Variants in KCNK9 observed in about 807,000 individuals in gnomAD.
The protein encoded by KCNK9 is potassium channel subfamily K member 9.
A neutral mutation model predicts 10.8 loss-of-function variants in KCNK9; 1 was observed. The ratio of observed to expected loss-of-function variants is 0.09; its 90% CI spans 0.03 to 0.44. KCNK9 has a LOEUF of 0.44. Among genes scored for constraint, KCNK9 ranks in the 20% least tolerant of loss-of-function variants. The pLI, the probability that KCNK9 is intolerant of heterozygous loss-of-function variation, is 0.97. For synonymous variants in KCNK9, 231 were observed against 222.7 expected, an observed-to-expected ratio of 1.04 and a Z score of -0.33; for missense variants, 303 against 515.0, an observed-to-expected ratio of 0.59 and a Z score of 3.98.
chr8:139,632,199 A>G (rs967007662), intron 1 of KCNK9, among the ~76,000 whole-genome samples: 2 of 152,220 alleles, frequency 1.3e-5, no homozygotes, highest in Non-Finnish European at 2.9e-5. Context: ...CATTTCTAGC[A>G]AGTGCCTCAT....
intron 1 of KCNK9, among the ~76,000 whole-genome samples, chr8:139,694,614 C>G (rs1006058364): frequency 6.6e-6 from 1 of 152,192 alleles, no homozygotes; most frequent in Non-Finnish European, 1.5e-5. Context: ...GCTGGCCATG[C>G]GTAGGGTAGG....
At chr8:139,609,426 T>G (rs1814350989), downstream of KCNK9, among the ~76,000 whole-genome samples, 1 of 152,184 alleles carries the variant, frequency 6.6e-6, no homozygotes, top group Non-Finnish European at 1.5e-5. Flanking sequence ...GGGGGACATA[T>G]TCTCCCAGGA....
chr8:139,659,486 T>C (rs1244653507), intron 1 of KCNK9, among the ~76,000 whole-genome samples: 2 of 152,108 alleles, frequency 1.3e-5, no homozygotes, highest in Non-Finnish European at 2.9e-5. Context: ...ACCCCTGTAT[T>C]GGTGTGGAAA....
chr8:139,642,508 G>C (rs1175344737), intron 1 of KCNK9, among the ~76,000 whole-genome samples: 1 of 152,232 alleles, frequency 6.6e-6, no homozygotes, highest in Non-Finnish European at 1.5e-5. Flanking sequence ...CCTGGCAAGG[G>C]GACAGTCCCT....
chr8:139,691,791 C>T (rs959527686), intron 1 of KCNK9, among the ~76,000 whole-genome samples: 21 of 152,170 alleles, frequency 1.4e-4, no homozygotes, highest in Admixed American at 1.2e-3. Flanking sequence ...TCACCACAGA[C>T]CCCGTGGGCA....
chr8:139,659,856 G>A (rs1261048229), intron 1 of KCNK9, among the ~76,000 whole-genome samples: 1 of 151,992 alleles, frequency 6.6e-6, no homozygotes, highest in Non-Finnish European at 1.5e-5. Flanking sequence ...ACAGAACAAT[G>A]ATCAAGTATA....
chr8:139,650,546 C>A (rs1389332012), intron 1 of KCNK9, among the ~76,000 whole-genome samples: 1 of 152,138 alleles, frequency 6.6e-6, no homozygotes, highest in Non-Finnish European at 1.5e-5. Context: ...CTGTCCCTCC[C>A]TTACCTGAGG....
At chr8:139,644,722 C>A (rs1990899) in intron 1 of KCNK9, among the ~76,000 whole-genome samples, 2 of 144,836 alleles carry the variant, frequency 1.4e-5, no homozygotes, top group African/African-American at 5.2e-5. Flanking sequence ...CTGTCCCCCC[C>A]CCCCAGAGCC....
rs2130101706 is a variant in KCNK9, at chr8:139,617,804, C to T, written c.*454G>A. ...CACAACACACACACAGTCACTCAGT[C>T]CTTAGGAAAAGAGAAAGGAGTTAGG... On this transcript the variant is annotated 3_prime_UTR_variant, in exon 2 of 2. Coordinates refer to ENST00000520439, the MANE Select transcript of KCNK9 (RefSeq NM_001282534.2). Among the ~76,000 whole-genome samples, 1 of 152,200 alleles carries T rather than the reference C, an allele frequency of 6.6e-6. No homozygotes were observed. Among genetic ancestry groups the T allele is most frequent in the East Asian group, 1.9e-4 (1 of 5,188 alleles).
chr8:139,677,757 TCACATC>T (rs1816589389), intron 1 of KCNK9, among the ~76,000 whole-genome samples: 10 of 145,878 alleles, frequency 6.9e-5, no homozygotes, highest in African/African-American at 2.8e-4. Flanking sequence ...GAGTAATACC[TCACATC>T]TGATCCCAAT....
intron 1 of KCNK9, among the ~76,000 whole-genome samples, chr8:139,658,548 CCTCA>C (rs780686879): frequency 1.3e-5 from 2 of 152,232 alleles, no homozygotes; most frequent in Non-Finnish European, 2.9e-5. Context: ...TCAATCCAAG[CCTCA>C]CTACCTCCAC....
chr8:139,652,413 C>T (rs1174456587), intron 1 of KCNK9, among the ~76,000 whole-genome samples: 4 of 152,206 alleles, frequency 2.6e-5, no homozygotes, highest in Non-Finnish European at 5.9e-5. Context: ...TCCTTGTTCT[C>T]TGCTAAGGTG....
chr8:139,659,095 G>A (rs541691107), intron 1 of KCNK9, among the ~76,000 whole-genome samples: 9 of 152,360 alleles, frequency 5.9e-5, no homozygotes, highest in Non-Finnish European at 8.8e-5. Context: ...GTATCAAGCC[G>A]CTGAGTCTTC....
At chr8:139,671,511 CTTTTTTTT>C (rs35081138) in intron 1 of KCNK9, among the ~76,000 whole-genome samples, 7 of 132,740 alleles carry the variant, frequency 5.3e-5, no homozygotes, top group Non-Finnish European at 8.0e-5. Flanking sequence ...TTTTTAGTTT[CTTTTTTTT>C]TTTTTTTTTT....
intron 1 of KCNK9, among the ~76,000 whole-genome samples, chr8:139,655,743 C>T (rs1816004741): frequency 6.6e-6 from 1 of 152,216 alleles, no homozygotes; most frequent in Non-Finnish European, 1.5e-5. Flanking sequence ...GGGCTCTCCC[C>T]ACTCAGGGGC....
chr8:139,630,847 C>G (rs1288279418), intron 1 of KCNK9, among the ~76,000 whole-genome samples: 1 of 152,276 alleles, frequency 6.6e-6, no homozygotes, highest in Non-Finnish European at 1.5e-5. Context: ...CTGGGAAACA[C>G]AGAAGCCTGC....
intron 1 of KCNK9, among the ~76,000 whole-genome samples, chr8:139,677,717 A>G (rs113557807): frequency 0.042 from 2,086 of 49,280 alleles, 171 homozygotes; most frequent in African/African-American, 0.1. Context: ...AATACCTCAC[A>G]TCCCAGCCCA....
At chr8:139,623,931 G>A (rs915916830) in intron 1 of KCNK9, among the ~76,000 whole-genome samples, 18 of 152,098 alleles carry the variant, frequency 1.2e-4, no homozygotes, top group Admixed American at 5.2e-4. Flanking sequence ...TCAGTCACTC[G>A]AACCACTTCA....
At chr8:139,602,400 G>A (rs1817393635) in intron 2 of KCNK9, among the ~76,000 whole-genome samples, 1 of 152,234 alleles carries the variant, frequency 6.6e-6, no homozygotes. Context: ...ACTGTTAGAT[G>A]TCTTGTGGTG....
Sources: allele counts gnomAD v4.1 joint callset (sites outside exome capture counted in the v4.1 genomes callset), GRCh38; gene constraint gnomAD v4.1.1; transcripts MANE v1.5; gene names NCBI Gene and HGNC (gene_info 2026-07-23, HGNC 2026-07-21).